Variants in SPTBN4 observed in about 807,000 individuals in gnomAD.
SPTBN4 encodes the protein spectrin beta chain, non-erythrocytic 4.
SPTBN4 carries 96 observed loss-of-function variants against 277.8 expected under a neutral mutation model. The ratio of observed to expected loss-of-function variants is 0.35; its 90% CI spans 0.29 to 0.41. SPTBN4 has a LOEUF of 0.41. Among genes scored for constraint, SPTBN4 ranks in the 10% least tolerant of loss-of-function variants. The probability of loss-of-function intolerance (pLI) is 1.00; values close to 1 mark genes in which losing one functional copy is unlikely to be tolerated. For missense variants in SPTBN4, 3,006 were observed against 3,595.7 expected, an observed-to-expected ratio of 0.84 and a Z score of 4.19; for synonymous variants, 1,481 against 1,580.3, an observed-to-expected ratio of 0.94 and a Z score of 1.49.
intron 17 of SPTBN4, among the ~76,000 whole-genome samples, chr19:40,528,363 C>A (rs1178056024): frequency 1.3e-5 from 2 of 152,226 alleles, no homozygotes; most frequent in Non-Finnish European, 2.9e-5. Flanking sequence ...AGGCCAAGGG[C>A]CTCGCTCTGC....
At chr19:40,525,153 C>T (rs938353727) in intron 17 of SPTBN4, among the ~76,000 whole-genome samples, 13 of 152,094 alleles carry the variant, frequency 8.5e-5, no homozygotes, top group Admixed American at 5.9e-4. Flanking sequence ...GCCCCAGGAC[C>T]GCTACCCCTT....
chr19:40,542,658 C>A (rs139268154), intron 20 of SPTBN4, among the ~76,000 whole-genome samples: 7 of 151,984 alleles, frequency 4.6e-5, no homozygotes, highest in East Asian at 1.9e-4. Context: ...CCTCCTCCCC[C>A]CTGTTCTGCT....
At position 40,566,316 on chromosome 19, in the gene SPTBN4, C is replaced by T; in HGVS notation, c.6293C>T (p.Ala2098Val). The T allele has an allele frequency of 1.3e-6, 2 of 1,592,790 alleles. No homozygotes were observed. The highest frequency in any genetic ancestry group is 8.5e-7 in the Non-Finnish European group (1 of 1,169,854). The change falls in exon 30 of 36, where the codon GCA (alanine) becomes GTA (valine). Residue 2098 changes from alanine to valine, a missense_variant. Transcript: ENST00000598249. ...CATGAGGCCTTCCGCAAAGCGGCTGCAGCCTGGGAAGAGAGGTTCAGCTCT... is the reference window on the plus strand; with the variant it reads ...CATGAGGCCTTCCGCAAAGCGGCTGTAGCCTGGGAAGAGAGGTTCAGCTCT... ...RRHEAFRKAA[A>V]AWEERFSSLR...
intron 15 of SPTBN4, among the ~76,000 whole-genome samples, chr19:40,516,978 A>G (rs1233526587): frequency 6.6e-6 from 1 of 152,228 alleles, no homozygotes. Flanking sequence ...CTGGAATACT[A>G]CCAGCAATTC....
At chr19:40,571,366 T>G (rs1159852020) in intron 33 of SPTBN4, among the ~76,000 whole-genome samples, 1 of 152,196 alleles carries the variant, frequency 6.6e-6, no homozygotes, top group Non-Finnish European at 1.5e-5. Flanking sequence ...ATGATGTGCC[T>G]GCTCTTGGGG....
In SPTBN4 at chr19:40,566,194, G is replaced by A. The variant is rs113875755; in HGVS notation, c.6171G>A (p.Ala2057=). ...MLEVHQFAQE[A]VVADAWLTAQ... is the part of the protein sequence containing the mutation. ...AGGTGCACCAGTTTGCCCAGGAGGC[G>A]GTGGTGGCTGATGCCTGGCTGACAG... The change falls in exon 30 of 36, where the codon GCG becomes GCA. Residue 2057 remains alanine, a synonymous_variant. Coordinates refer to ENST00000598249, the MANE Select transcript of SPTBN4 (RefSeq NM_020971.3). 1,188 of 1,542,392 alleles carry A rather than the reference G, an allele frequency of 7.7e-4. 8 individuals are homozygous for A. The African/African-American group carries it at 0.013, about 17-fold the overall frequency.
At chr19:40,518,650 C>A (rs1242433646) in intron 15 of SPTBN4, among the ~76,000 whole-genome samples, 1 of 152,160 alleles carries the variant, frequency 6.6e-6, no homozygotes, top group Non-Finnish European at 1.5e-5. Context: ...TCTCCAACTC[C>A]TGAGCTCAAG....
chr19:40,534,647 A>G, intron 20 of SPTBN4: 1 of 390,660 alleles, frequency 2.6e-6, no homozygotes, highest in Non-Finnish European at 4.8e-6. Flanking sequence ...TGGATGGAGA[A>G]ACCAAGGCTC....
chr19:40,532,709 C>A lies in SPTBN4; in HGVS notation c.4033C>A (p.Arg1345=), dbSNP rs757819201. ...CCACAAGCTGCATAAGAGATGGCTC[C>A]GGCACCAGGCATTCATGGCCGAGCT... ...DNHKLHKRWL[R]HQAFMAELAQ... is the part of the protein sequence containing the mutation. Residue 1345 remains arginine (R), a synonymous_variant, in exon 19 of 36, where the codon CGG becomes AGG. Transcript: ENST00000598249. 1.9e-6 allele frequency: 3 copies of A among 1,613,332 alleles called. No homozygotes were observed. The highest frequency in any genetic ancestry group is 1.7e-5 in the Admixed American group (1 of 59,952).
chr19:40,566,987 C>T (rs113083491), intron 30 of SPTBN4: 5 of 245,736 alleles, frequency 2.0e-5, no homozygotes, highest in Non-Finnish European at 4.3e-5. Context: ...AAAAAAACAA[C>T]AAAAAAAAAC....
At chr19:40,569,961 C>CACACACACACACACACACAG (rs1568382022) in intron 32 of SPTBN4, among the ~76,000 whole-genome samples, 17 of 145,770 alleles carry the variant, frequency 1.2e-4, no homozygotes, top group African/African-American at 4.5e-4. Flanking sequence ...CACACACACA[C>CACACACACACACACACACAG]ACACACACAC....
chr19:40,509,479 A>G (rs1397161938), intron 13 of SPTBN4, among the ~76,000 whole-genome samples: 3 of 152,162 alleles, frequency 2.0e-5, no homozygotes, highest in Non-Finnish European at 4.4e-5. Context: ...TCTTGACCTC[A>G]GGTGATCTGC....
intron 7 of SPTBN4, among the ~76,000 whole-genome samples, chr19:40,500,370 C>T (rs1433720819): frequency 6.6e-6 from 1 of 152,160 alleles, no homozygotes. Flanking sequence ...TAAGGACATG[C>T]AGTGAGTAAG....
intron 27 of SPTBN4, among the ~76,000 whole-genome samples, chr19:40,562,777 T>C (rs967766456): frequency 6.6e-6 from 1 of 151,014 alleles, no homozygotes; most frequent in Non-Finnish European, 1.5e-5. Context: ...GAGGTTGCGG[T>C]GAGCCAAGAT....
intron 18 of SPTBN4, among the ~76,000 whole-genome samples, chr19:40,531,665 G>A (rs2080676485): frequency 6.6e-6 from 1 of 151,338 alleles, no homozygotes; most frequent in Non-Finnish European, 1.5e-5. Context: ...AGCAGCCTGT[G>A]ATTGATCCTC....
At chr19:40,556,771 C>T (rs2080983864) in intron 25 of SPTBN4, among the ~76,000 whole-genome samples, 1 of 151,806 alleles carries the variant, frequency 6.6e-6, no homozygotes, top group Non-Finnish European at 1.5e-5. Flanking sequence ...ACTAAAAACA[C>T]AAAAAAATCA....
At chr19:40,523,731 TTCA>T in intron 17 of SPTBN4, 92 bp downstream of exon 17, 1 of 1,151,454 alleles carries the variant, frequency 8.7e-7, no homozygotes, top group Non-Finnish European at 1.2e-6. Context: ...TCCCACTCCT[TTCA>T]TCACGATTTC....
chr19:40,567,973 A>AGACCCCCGC lies in SPTBN4; in HGVS notation c.6658_6666dup (p.Thr2220_Ala2222dup), dbSNP rs1366136565. The AGACCCCCGC allele has an allele frequency of 2.0e-6, 3 of 1,500,198 alleles. No individual in the cohort carries two copies. The highest frequency in any genetic ancestry group is 1.5e-5 in the African/African-American group (1 of 68,338). The allele number at this position is 1,500,198 out of a possible 1,614,324, so 92.9% of individuals were successfully genotyped here. Reference sequence around the variant, plus strand: ...CCGGCCGCACCAGAGGACGCGGCGGAGACCCCCGCGACCCCCGCGGCGGCG... The same window carrying AGACCCCCGC: ...CCGGCCGCACCAGAGGACGCGGCGGAGACCCCCGCGACCCCCGCGACCCCCGCGGCGGCG... On this transcript the variant is annotated inframe_insertion, in exon 31 of 36. Coordinates refer to ENST00000598249, the MANE Select transcript of SPTBN4 (RefSeq NM_020971.3).
intron 18 of SPTBN4, among the ~76,000 whole-genome samples, chr19:40,529,651 C>T (rs2080640015): frequency 6.6e-6 from 1 of 152,182 alleles, no homozygotes; most frequent in African/African-American, 2.4e-5. Context: ...GTCCAGGCCC[C>T]CTTCCTTATT....
Sources: allele counts gnomAD v4.1 joint callset (sites outside exome capture counted in the v4.1 genomes callset), GRCh38; gene constraint gnomAD v4.1.1; transcripts MANE v1.5; gene names NCBI Gene and HGNC (gene_info 2026-07-23, HGNC 2026-07-21).